FAM193B: variants seen among roughly 807,000 people sequenced by gnomAD.
The protein encoded by FAM193B is family with sequence similarity 193 member B.
Under a neutral mutation model 70.7 loss-of-function variants are expected in FAM193B, and 27 were observed. The ratio of observed to expected loss-of-function variants is 0.38; its 90% CI spans 0.28 to 0.53. FAM193B has a LOEUF of 0.53. Ranked by LOEUF, FAM193B falls within the 20% of genes least tolerant of loss-of-function variation. The probability of loss-of-function intolerance (pLI) is 0.81; values close to 1 mark genes in which losing one functional copy is unlikely to be tolerated. For synonymous variants in FAM193B, 448 were observed against 436.0 expected (o/e 1.03, Z -0.34); for missense variants, 1,022 against 1,072.5 (o/e 0.95, Z 0.66).
intron 3 of FAM193B, 70 bp from the exon 4 acceptor site, chr5:177,536,815 A>G (rs1764234970): frequency 1.3e-6 from 2 of 1,512,696 alleles, no homozygotes; most frequent in African/African-American, 2.8e-5. Context: ...CCACAGGCTC[A>G]CTGCCACAGC....
intron 1 of FAM193B, among the ~76,000 whole-genome samples, chr5:177,541,576 G>A (rs567665061): frequency 1.3e-4 from 20 of 152,174 alleles, no homozygotes; most frequent in African/African-American, 4.6e-4. Flanking sequence ...CCGCCACCAC[G>A]CCCGGCTAAT....
In FAM193B at chr5:177,532,976, T is replaced by C. The variant is rs1763715418; in HGVS notation, c.1077-335A>G. The stretch of plus-strand genomic sequence containing the variant: ...CTGTCATGGTCTGTTTGCGCATTTG[T>C]CTCTCAAACTGGACTGCACGCCTCA... On this transcript the variant is annotated intron_variant, in intron 4 of 8. Coordinates refer to ENST00000514747, the MANE Select transcript of FAM193B (RefSeq NM_001190946.3). The surrounding 1 kb of genome is among the most constrained non-coding windows in gnomAD (Gnocchi z 4.9). Among the ~76,000 whole-genome samples, 1 of 152,218 alleles carries C rather than the reference T, an allele frequency of 6.6e-6. No homozygotes were observed. Among genetic ancestry groups the C allele is most frequent in the East Asian group, 1.9e-4 (1 of 5,198 alleles).
rs1025115615 is a variant in FAM193B, at chr5:177,519,969, T to C, written c.*214A>G. Reference sequence around the variant, plus strand: ...GCCAGCCCAGTCCACGGGCTCTGAGTGTGGAGGCTGCGTAGCACCAGGAAG... The same window carrying C: ...GCCAGCCCAGTCCACGGGCTCTGAGCGTGGAGGCTGCGTAGCACCAGGAAG... On this transcript the variant is annotated 3_prime_UTR_variant, in exon 9 of 9. Coordinates refer to ENST00000514747, the MANE Select transcript of FAM193B (RefSeq NM_001190946.3). The C allele has an allele frequency of 6.6e-6, 1 of 152,098 alleles. No individual in the cohort carries two copies. Among genetic ancestry groups the C allele is most frequent in the Non-Finnish European group, 1.5e-5 (1 of 68,088 alleles). The allele number at this position is 152,098 out of a possible 1,614,324, so 9.4% of individuals were successfully genotyped here.
At chr5:177,526,001 A>G (rs1266691439) in intron 5 of FAM193B, among the ~76,000 whole-genome samples, 1 of 152,248 alleles carries the variant, frequency 6.6e-6, no homozygotes, top group African/African-American at 2.4e-5. Context: ...ACCCTCGGGA[A>G]GGAGGTTGCT....
rs1761474374 is a variant in FAM193B, at chr5:177,519,991, G to C, written c.*192C>G. Reference sequence around the variant, plus strand: ...GAGTGTGGAGGCTGCGTAGCACCAGGAAGCGGCTCTGCTGAGGTCAAGGGG... The same window carrying C: ...GAGTGTGGAGGCTGCGTAGCACCAGCAAGCGGCTCTGCTGAGGTCAAGGGG... On this transcript the variant is annotated 3_prime_UTR_variant, in exon 9 of 9. Coordinates refer to ENST00000514747, the MANE Select transcript of FAM193B (RefSeq NM_001190946.3). 1.3e-5 allele frequency: 2 copies of C among 152,536 alleles called. No individual in the cohort carries two copies. Among genetic ancestry groups the C allele is most frequent in the Admixed American group, 1.3e-4 (2 of 15,292 alleles). 9.4% of individuals were successfully genotyped at this position (152,536 alleles called of 1,614,324 possible).
At position 177,532,173 on chromosome 5, in the gene FAM193B, TTCTC is replaced by T. The variant is rs1763567810; in HGVS notation, c.1275+266_1275+269del. ...ATACATACTCATCAGAATCATAGCT[TTCTC>T]TCTGCCATTTCCTTTCCTTTTGCCT... On this transcript the variant is annotated intron_variant, in intron 5 of 8. Transcript: ENST00000514747. This position sits in a 1 kb window ranked among gnomAD's most constrained non-coding sequence, Gnocchi z 4.9. 8 of 1,467,994 alleles carry T rather than the reference TTCTC, an allele frequency of 5.4e-6. No homozygotes were observed. Among genetic ancestry groups the T allele is most frequent in the African/African-American group, 1.4e-5 (1 of 71,718 alleles). The allele number at this position is 1,467,994 out of a possible 1,614,324, so 90.9% of individuals were successfully genotyped here.
chr5:177,524,186 C>T lies in FAM193B; in HGVS notation c.2295G>A (p.Leu765=). 6.4e-7 allele frequency: 1 copy of T among 1,564,772 alleles called. No homozygotes were observed. Among genetic ancestry groups the T allele is most frequent in the South Asian group, 1.2e-5 (1 of 84,102 alleles). Residue 765 remains leucine, a splice_region_variant and synonymous_variant, in exon 6 of 9, where the codon TTG becomes TTA. Transcript: ENST00000514747. The part of the protein sequence containing the change: ...RNKQEKPASS[L]DDVFLPKDMD... ...CCGCTCAGTTCCTGGTGCACTCACC[C>T]AAGGAGGAGGCTGGCTTCTCCTGCT... is the stretch of plus-strand genomic sequence containing the variant.
At chr5:177,525,434 C>T (rs1000998514) in intron 5 of FAM193B, 7 of 398,648 alleles carry the variant, frequency 1.8e-5, no homozygotes, top group South Asian at 2.6e-4. Flanking sequence ...GTTTTTACAG[C>T]TTGTTCACCC....
intron 1 of FAM193B, among the ~76,000 whole-genome samples, chr5:177,551,033 C>G (rs1024353784): frequency 1.3e-5 from 2 of 149,528 alleles, no homozygotes; most frequent in Non-Finnish European, 2.9e-5. Context: ...AGAGATCTCA[C>G]TATGTCACCA....
intron 7 of FAM193B, chr5:177,523,051 G>A (rs758489826): frequency 4.5e-5 from 8 of 178,144 alleles, no homozygotes; most frequent in Non-Finnish European, 6.1e-5. Flanking sequence ...ACGGAGTCTC[G>A]TTCTGTGGCC....
rs754076120 is a variant in FAM193B, at chr5:177,536,410, T to C, written c.1024A>G (p.Ser342Gly). 3 of 1,608,460 alleles carry C rather than the reference T, an allele frequency of 1.9e-6. No homozygotes were observed. The highest frequency in any genetic ancestry group is 1.7e-5 in the Admixed American group (1 of 58,944). ...PCSGHCGGHC[S>G]GPLLPPPSSQ... ...CTCGGGGGTGGGAGGAGAGGCCCAC[T>C]GCAGTGCCCACCACAGTGCCCGCTG... The change falls in exon 4 of 9, where the codon AGT becomes GGT. Residue 342 changes from serine to glycine, a missense_variant. Ser to Gly is a moderately conservative substitution (Grantham distance 56, BLOSUM62 0). Transcript: ENST00000514747.
At position 177,539,068 on chromosome 5, in the gene FAM193B, G is replaced by A. The variant is rs752373104; in HGVS notation, c.290C>T (p.Pro97Leu). ...HRERKGWEEG[P>L]SQNGLVLQGE... ...CTGCAACACCAGTCCATTTTGAGAAGGGCCTTCTTCCCAGCCTTTGCGTTC... is the reference window on the plus strand; with the variant it reads ...CTGCAACACCAGTCCATTTTGAGAAAGGCCTTCTTCCCAGCCTTTGCGTTC... The change falls in exon 2 of 9, where the codon CCT (proline) becomes CTT (leucine). Residue 97 changes from proline to leucine, a missense_variant. Transcript: ENST00000514747. 6.2e-7 allele frequency: 1 copy of A among 1,613,740 alleles called. No homozygotes were observed. The highest frequency in any genetic ancestry group is 2.2e-5 in the East Asian group (1 of 44,878).
At position 177,553,307 on chromosome 5, in the gene FAM193B, G is replaced by C. The variant is rs28562433; in HGVS notation, c.210+942C>G. The C allele has an allele frequency of 4.0e-4, 392 of 988,776 alleles. 2 individuals carry two copies. The African/African-American group carries it at 6.2e-3, about 16-fold the overall frequency. 61.3% of individuals were successfully genotyped at this position (988,776 alleles called of 1,614,324 possible). On this transcript the variant is annotated intron_variant, in intron 1 of 8. Coordinates refer to ENST00000514747, the MANE Select transcript of FAM193B (RefSeq NM_001190946.3). ...TTCCGCCACGCCTCATCCTCATCCG[G>C]CGCCGCATCCGACCCTCCAAGACTC... is the stretch of plus-strand genomic sequence containing the variant.
In FAM193B at chr5:177,536,380, G is replaced by C. The variant is rs1204172044; in HGVS notation, c.1054C>G (p.Gln352Glu). 1.9e-6 allele frequency: 3 copies of C among 1,609,750 alleles called. No homozygotes were observed. Among genetic ancestry groups the C allele is most frequent in the Non-Finnish European group, 1.7e-6 (2 of 1,178,844 alleles). The change falls in exon 4 of 9, where the codon CAG becomes GAG. Residue 352 changes from glutamine to glutamate, a missense_variant. Transcript: ENST00000514747. ...SGPLLPPPSS[Q>E]PLPSTHRDPG... ...TACCTGTGAGTGCTAGGGAGTGGCT[G>C]AGAGCTCGGGGGTGGGAGGAGAGGC...
At chr5:177,545,812 G>C (rs957983487) in intron 1 of FAM193B, among the ~76,000 whole-genome samples, 2 of 152,174 alleles carry the variant, frequency 1.3e-5, no homozygotes, top group African/African-American at 4.8e-5. Context: ...ACTCAGCGTG[G>C]CCTCATTCAT....
intron 4 of FAM193B, among the ~76,000 whole-genome samples, chr5:177,535,753 C>T (rs78116855): frequency 0.031 from 4,670 of 152,090 alleles, 271 homozygotes; most frequent in African/African-American, 0.11. Context: ...TACTACTACA[C>T]GAAAGGTATA....
chr5:177,533,598 G>A (rs1763807195), intron 4 of FAM193B, among the ~76,000 whole-genome samples: 2 of 152,138 alleles, frequency 1.3e-5, no homozygotes, highest in Non-Finnish European at 2.9e-5. Context: ...GAGCCACTGC[G>A]CCCGGCCTTG....
In FAM193B at chr5:177,554,403, C is replaced by T; in HGVS notation, c.56G>A (p.Arg19Gln). 8.8e-7 allele frequency: 1 copy of T among 1,141,136 alleles called. No homozygotes were observed. The highest frequency in any genetic ancestry group is 1.1e-6 in the Non-Finnish European group (1 of 930,842). 70.7% of individuals were successfully genotyped at this position (1,141,136 alleles called of 1,614,324 possible). The change falls in exon 1 of 9, where the codon CGG becomes CAG. Residue 19 changes from arginine to glutamine, a missense_variant. Arg to Gln is a conservative substitution (Grantham distance 43, BLOSUM62 1). Transcript: ENST00000514747. ...SGGAGRRERARAAGPQKPQAP... is the reference protein window; with the variant it reads ...SGGAGRRERAQAAGPQKPQAP... The stretch of plus-strand genomic sequence containing the variant: ...CTGGGGCTTCTGCGGCCCCGCGGCC[C>T]GAGCCCGCTCGCGCCTGCCCGCACC...
chr5:177,524,794 G>C lies in FAM193B; in HGVS notation c.1687C>G (p.Pro563Ala). ...PAPPWAEMRG[P>A]HPPWTEVRGP... is the part of the protein sequence containing the mutation. ...CTCACCTCTGTCCATGGTGGGTGGG[G>C]GCCTCTCATTTCTGCCCATGGTGGG... Residue 563 changes from proline to alanine, a missense_variant, in exon 6 of 9, where the codon CCC (proline) becomes GCC (alanine). Transcript: ENST00000514747. The C allele has an allele frequency of 6.6e-7, 1 of 1,514,222 alleles. No homozygotes were observed. Among genetic ancestry groups the C allele is most frequent in the South Asian group, 1.3e-5 (1 of 74,562 alleles). 93.8% of individuals were successfully genotyped at this position (1,514,222 alleles called of 1,614,324 possible). A position where few individuals can be genotyped will look rare whatever the true frequency, so the allele number is the denominator to read the frequency against.
Sources: allele counts gnomAD v4.1 joint callset (sites outside exome capture counted in the v4.1 genomes callset), GRCh38; gene constraint gnomAD v4.1.1; non-coding constraint Gnocchi (gnomAD v3.1); transcripts MANE v1.5; gene names NCBI Gene and HGNC (gene_info 2026-07-23, HGNC 2026-07-21).